Variants in ADD2 observed in about 807,000 individuals in gnomAD.
ADD2 encodes the protein beta-adducin.
In ADD2, 23 loss-of-function variants were observed where a neutral mutation model predicts 83.0. The observed-to-expected ratio is 0.28, with a 90% CI of 0.20 to 0.39. The LOEUF (loss-of-function observed/expected upper bound fraction) is 0.39. Among genes scored for constraint, ADD2 ranks in the 10% least tolerant of loss-of-function variants. The pLI, the probability that ADD2 is intolerant of heterozygous loss-of-function variation, is 1.00. For missense variants in ADD2, 758 were observed against 944.9 expected (o/e 0.80, Z 2.59); for synonymous variants, 375 against 375.4 (o/e 1.00, Z 0.01).
rs1049737316 is a variant in ADD2, at chr2:70,657,588, A to G, written c.*5837T>C. ...GTTCCCTGAAATATATTCCCATTTT[A>G]TAATGTGTTTCAAGTGTGGCCACTC... On this transcript the variant is annotated 3_prime_UTR_variant, in exon 16 of 16. Coordinates refer to ENST00000264436, the MANE Select transcript of ADD2 (RefSeq NM_001617.4). 6.6e-6 allele frequency: 1 copy of G among 152,192 alleles called. No homozygotes were observed. The highest frequency in any genetic ancestry group is 6.5e-5 in the Admixed American group (1 of 15,272). The allele number at this position is 152,192 out of a possible 1,614,324, so 9.4% of individuals were successfully genotyped here. A position where few individuals can be genotyped will look rare whatever the true frequency, so the allele number is the denominator to read the frequency against.
chr2:70,669,022 T>C (rs1574215342), intron 15 of ADD2, among the ~76,000 whole-genome samples: 1 of 152,054 alleles, frequency 6.6e-6, no homozygotes, highest in Non-Finnish European at 1.5e-5. Flanking sequence ...AGAGAGGTCA[T>C]AGAGAGATTC....
chr2:70,677,037 G>C (rs1250493945), intron 12 of ADD2, 152 bp from the exon 13 acceptor site: 2 of 1,313,930 alleles, frequency 1.5e-6, no homozygotes, highest in African/African-American at 1.5e-5. Flanking sequence ...GTACTTTAAG[G>C]GGGGGCCTCC....
chr2:70,728,577 TG>T (rs1404111874), intron 1 of ADD2, among the ~76,000 whole-genome samples: 1 of 152,224 alleles, frequency 6.6e-6, no homozygotes, highest in East Asian at 1.9e-4. Flanking sequence ...CTGAAAAAGG[TG>T]CTGTGTGTGA....
rs115630878 is a variant in ADD2, at chr2:70,689,164, T to A, written c.850-1042A>T. Among the ~76,000 whole-genome samples the A allele has an allele frequency of 3.9e-3, 593 of 152,308 alleles. 6 individuals carry two copies. Among genetic ancestry groups the A allele is most frequent in the African/African-American group, 0.013 (556 of 41,564 alleles). ...AGCATCTGAACTAGAAGCCAGGGGT[T>A]CTCACTATTAGTGCAATGTTTTAGA... On this transcript the variant is annotated intron_variant, in intron 8 of 15. Transcript: ENST00000264436.
intron 10 of ADD2, among the ~76,000 whole-genome samples, chr2:70,680,241 G>GT (rs1670388611): frequency 2.0e-5 from 3 of 152,146 alleles, no homozygotes. Flanking sequence ...AATAAATGAA[G>GT]TAGCATCTGC....
intron 1 of ADD2, among the ~76,000 whole-genome samples, chr2:70,724,872 T>C (rs2104449070): frequency 6.6e-6 from 1 of 152,320 alleles, no homozygotes; most frequent in East Asian, 1.9e-4. Context: ...TGTATCAAGA[T>C]ATTTTTGATA....
rs115263836 is a variant in ADD2, at chr2:70,732,146, G to A, written c.-153-18962C>T. On this transcript the variant is annotated intron_variant, in intron 1 of 15. Transcript: ENST00000264436. ...GGGAGAACCCAGGCATGATTCTGAA[G>A]GAAGGCAGGACAAAGTGAGTGGGCT... Among the ~76,000 whole-genome samples the A allele has an allele frequency of 4.4e-3, 675 of 152,326 alleles. 3 individuals are homozygous for A. The highest frequency in any genetic ancestry group is 0.016 in the African/African-American group (646 of 41,576).
At chr2:70,749,704 T>C (rs1384928529) in intron 1 of ADD2, among the ~76,000 whole-genome samples, 2 of 152,186 alleles carry the variant, frequency 1.3e-5, no homozygotes, top group East Asian at 1.9e-4. Flanking sequence ...CTCTTCCTCC[T>C]CCTTCTCCCT....
chr2:70,692,498 C>T lies in ADD2; in HGVS notation c.610G>A (p.Val204Met). The T allele has an allele frequency of 1.9e-6, 3 of 1,612,994 alleles. No homozygotes were observed. Among genetic ancestry groups the T allele is most frequent in the Non-Finnish European group, 2.5e-6 (3 of 1,179,680 alleles). ...TGCAGACAGAAGCCTGTGGTGTCCA[C>T]TGGGAAGCAGCTGCTGCCCTTCTCC... The part of the protein sequence containing the change: ...VVEKGSSCFP[V>M]DTTGFCLHSA... The change falls in exon 7 of 16, where the codon GTG (valine) becomes ATG (methionine). Residue 204 changes from valine (V) to methionine (M), a missense_variant. Around this residue, in one of 5 missense-constraint regions of ADD2, gnomAD observed 394 missense variants for 509.3 expected, o/e 0.77. Transcript: ENST00000264436.
rs1675468486 is a variant in ADD2 at position 70,659,485 on chromosome 2, G to C, written c.*3940C>G. 6.6e-6 allele frequency: 1 copy of C among 152,222 alleles called. No individual in the cohort carries two copies. Among genetic ancestry groups the C allele is most frequent in the Non-Finnish European group, 1.5e-5 (1 of 68,046 alleles). 9.4% of individuals were successfully genotyped at this position (152,222 alleles called of 1,614,324 possible). On this transcript the variant is annotated 3_prime_UTR_variant, in exon 16 of 16. Transcript: ENST00000264436. ...TCAGTCTACATGGATCAGTGGCAGA[G>C]GGCAGTGCTTTACAGTGGGGTTCTT...
chr2:70,735,882 T>TTTTTC (rs375014240), intron 1 of ADD2, among the ~76,000 whole-genome samples: 4 of 140,694 alleles, frequency 2.8e-5, no homozygotes, highest in African/African-American at 5.8e-5. Flanking sequence ...TTTTTTTTTT[T>TTTTTC]AGTAAAGATG....
chr2:70,743,712 G>A (rs1260911784), intron 1 of ADD2, among the ~76,000 whole-genome samples: 2 of 152,198 alleles, frequency 1.3e-5, no homozygotes, highest in Non-Finnish European at 2.9e-5. Context: ...ATCAAGTCTT[G>A]TAAGGAAAAA....
chr2:70,693,551 G>A (rs973110718), intron 6 of ADD2, among the ~76,000 whole-genome samples: 27 of 152,120 alleles, frequency 1.8e-4, no homozygotes, highest in Admixed American at 2.0e-4. Context: ...TGCTGCTGGC[G>A]TTTGCTTACA....
chr2:70,767,743 G>T, intron 1 of ADD2, 143 bp downstream of exon 1: 1 of 1,439,726 alleles, frequency 6.9e-7, no homozygotes, highest in African/African-American at 1.4e-5. Context: ...CTGCCGGCCA[G>T]GGCTGCAGCA....
rs536733260 is a variant in ADD2 at position 70,733,157 on chromosome 2, T to C, written c.-153-19973A>G. Among the ~76,000 whole-genome samples the C allele has an allele frequency of 7.2e-5, 11 of 152,344 alleles. No homozygotes were observed. The South Asian group carries it at 1.2e-3, about 17-fold the overall frequency. Reference sequence around the variant, plus strand: ...GGTCCAAGGGCCATTTCTATTAGATTTGGCATAGGCTACAATTTTGCAGAA... The same window carrying C: ...GGTCCAAGGGCCATTTCTATTAGATCTGGCATAGGCTACAATTTTGCAGAA... On this transcript the variant is annotated intron_variant, in intron 1 of 15. Coordinates refer to ENST00000264436, the MANE Select transcript of ADD2 (RefSeq NM_001617.4).
At chr2:70,724,885 C>T (rs1196257486) in intron 1 of ADD2, among the ~76,000 whole-genome samples, 1 of 152,210 alleles carries the variant, frequency 6.6e-6, no homozygotes, top group Non-Finnish European at 1.5e-5. Context: ...TTTTGATACA[C>T]CCAAGCCTCT....
intron 4 of ADD2, among the ~76,000 whole-genome samples, chr2:70,697,491 G>A (rs1171990519): frequency 4.6e-5 from 7 of 152,200 alleles, no homozygotes; most frequent in Non-Finnish European, 1.0e-4. Context: ...GAGGGCATCT[G>A]AGCTCTAGCA....
intron 4 of ADD2, among the ~76,000 whole-genome samples, 166 bp from the exon 5 acceptor site, chr2:70,696,562 C>T (rs1470452448): frequency 2.0e-5 from 3 of 152,134 alleles, no homozygotes; most frequent in African/African-American, 4.8e-5. Context: ...TCCACAGAAT[C>T]GACGTCTGTG....
rs1670572318 is a variant in ADD2, at chr2:70,683,627, A to T, written c.1089T>A (p.His363Gln). 1 of 1,613,568 alleles carries T rather than the reference A, an allele frequency of 6.2e-7. No homozygotes were observed. Among genetic ancestry groups the T allele is most frequent in the Admixed American group, 1.7e-5 (1 of 59,986 alleles). ...GPMQKSRLGEHEFEALMRMLD... is the reference protein window; with the variant it reads ...GPMQKSRLGEQEFEALMRMLD... ...GCATCCTCATGAGGGCCTCAAACTC[A>T]TGCTCCCCCAGCCGACTCTTCTGCA... The change falls in exon 10 of 16, where the codon CAT (histidine) becomes CAA (glutamine). Residue 363 changes from histidine to glutamine, a missense_variant. By Grantham distance (24) the His-to-Gln change is conservative (BLOSUM62 0). Around this residue, in one of 5 missense-constraint regions of ADD2, gnomAD observed 394 missense variants for 509.3 expected, o/e 0.77. Coordinates refer to ENST00000264436, the MANE Select transcript of ADD2 (RefSeq NM_001617.4).
Sources: allele counts gnomAD v4.1 joint callset (sites outside exome capture counted in the v4.1 genomes callset), GRCh38; gene constraint gnomAD v4.1.1; regional missense constraint gnomAD v4.1.1; transcripts MANE v1.5; gene names NCBI Gene and HGNC (gene_info 2026-07-23, HGNC 2026-07-21).